The following PTPRQ variants were observed in gnomAD, a reference collection of about 807,000 sequenced individuals.
The protein encoded by PTPRQ is protein tyrosine phosphatase receptor type Q.
PTPRQ carries 199 observed loss-of-function variants against 246.0 expected under a neutral mutation model. The ratio of observed to expected loss-of-function variants is 0.81; its 90% CI spans 0.72 to 0.91. PTPRQ has a LOEUF of 0.91. PTPRQ is among the 40% of genes least tolerant of loss of function. The probability of loss-of-function intolerance (pLI) is 0.00; values close to 1 mark genes in which losing one functional copy is unlikely to be tolerated. For missense variants in PTPRQ, 2,624 were observed against 2,528.4 expected (o/e 1.04, Z -0.81); for synonymous variants, 869 against 853.2 (o/e 1.02, Z -0.32).
chr12:80,613,781 C>A lies in PTPRQ; in HGVS notation c.5108C>A (p.Thr1703Lys). 1 of 1,542,364 alleles carries A rather than the reference C, an allele frequency of 6.5e-7. No homozygotes were observed. Among genetic ancestry groups the A allele is most frequent in the Non-Finnish European group, 8.8e-7 (1 of 1,141,444 alleles). Residue 1703 changes from threonine (T) to lysine (K), a missense_variant, in exon 29 of 45, where the codon ACA becomes AAA. Coordinates refer to ENST00000644991, the MANE Select transcript of PTPRQ (RefSeq NM_001145026.2). ...HNLSIIQKTN[T>K]FVIAMLEGLK... ...CTCAGTATTATACAGAAAACCAACA[C>A]ATTCGTCATTGCAATGCTAGAAGGA... is the stretch of plus-strand genomic sequence containing the variant.
intron 17 of PTPRQ, among the ~76,000 whole-genome samples, chr12:80,521,937 C>T (rs1043760696): frequency 1.3e-5 from 2 of 151,976 alleles, no homozygotes; most frequent in Non-Finnish European, 2.9e-5. Flanking sequence ...GCATAGAATC[C>T]ATAAATTACC....
intron 35 of PTPRQ, among the ~76,000 whole-genome samples, chr12:80,640,956 AC>A (rs1263193348): frequency 6.6e-6 from 1 of 152,152 alleles, no homozygotes; most frequent in East Asian, 1.9e-4. Flanking sequence ...TATCAACATG[AC>A]GCAAGAGTTG....
chr12:80,533,735 C>T (rs908955966), intron 17 of PTPRQ, among the ~76,000 whole-genome samples: 1 of 151,760 alleles, frequency 6.6e-6, no homozygotes, highest in Non-Finnish European at 1.5e-5. Context: ...CATAGTATTC[C>T]TTAATATCCA....
At chr12:80,556,760 G>A (rs1373400031) in intron 25 of PTPRQ, among the ~76,000 whole-genome samples, 1 of 152,118 alleles carries the variant, frequency 6.6e-6, no homozygotes, top group African/African-American at 2.4e-5. Flanking sequence ...AAAATAGTGA[G>A]AATAGTAGTT....
intron 36 of PTPRQ, among the ~76,000 whole-genome samples, 173 bp from the exon 37 acceptor site, chr12:80,649,415 A>C (rs1900182515): frequency 6.6e-6 from 1 of 152,182 alleles, no homozygotes; most frequent in Non-Finnish European, 1.5e-5. Flanking sequence ...GTGAGCTTAA[A>C]GAAGAAAAGT....
At chr12:80,563,762 C>T (rs1227860556) in intron 25 of PTPRQ, among the ~76,000 whole-genome samples, 1 of 152,130 alleles carries the variant, frequency 6.6e-6, no homozygotes, top group Non-Finnish European at 1.5e-5. Context: ...CTGATGTCCA[C>T]ATGTTTTCCA....
chr12:80,604,740 T>C (rs1333956139), intron 26 of PTPRQ, among the ~76,000 whole-genome samples: 2 of 151,510 alleles, frequency 1.3e-5, no homozygotes, highest in South Asian at 2.1e-4. Context: ...TGTTTTAAAA[T>C]AAAAATATTT....
At chr12:80,588,530 T>C (rs1897692172) in intron 26 of PTPRQ, 78 bp downstream of exon 26, 13 of 1,274,336 alleles carry the variant, frequency 1.0e-5, no homozygotes, top group Non-Finnish European at 1.3e-5. Flanking sequence ...TTATACTTAA[T>C]CTAATTGTGT....
chr12:80,470,677 T>A (rs2120538550), intron 7 of PTPRQ, among the ~76,000 whole-genome samples: 1 of 152,228 alleles, frequency 6.6e-6, no homozygotes, highest in Non-Finnish European at 1.5e-5. Context: ...TGATTATAAT[T>A]GAAACTGACA....
At chr12:80,452,397 T>A (rs201473214) in intron 3 of PTPRQ, among the ~76,000 whole-genome samples, 5 of 152,296 alleles carry the variant, frequency 3.3e-5, no homozygotes, top group Non-Finnish European at 2.9e-5. Context: ...GTGAATTTGA[T>A]CCTGTCATTA....
At chr12:80,454,767 C>A (rs1892916426) in intron 3 of PTPRQ, among the ~76,000 whole-genome samples, 1 of 151,930 alleles carries the variant, frequency 6.6e-6, no homozygotes. Flanking sequence ...GAAAAAAAAA[C>A]TTTAAGTTTA....
chr12:80,641,898 GCT>G (rs556917750), intron 35 of PTPRQ, among the ~76,000 whole-genome samples: 2 of 129,202 alleles, frequency 1.5e-5, no homozygotes, highest in African/African-American at 2.9e-5. Context: ...TCTCTCTCTC[GCT>G]CTCTCTCTTT....
intron 35 of PTPRQ, among the ~76,000 whole-genome samples, chr12:80,646,314 GATAAT>G (rs1053442271): frequency 6.6e-6 from 1 of 152,102 alleles, no homozygotes; most frequent in Non-Finnish European, 1.5e-5. Flanking sequence ...TATTGCACAT[GATAAT>G]ATAACTAGTA....
rs1261373607 is a variant in PTPRQ at position 80,494,966 on chromosome 12, C to T, written c.1574C>T (p.Ala525Val). 1.3e-6 allele frequency: 2 copies of T among 1,549,724 alleles called. No individual in the cohort carries two copies. Among genetic ancestry groups the T allele is most frequent in the African/African-American group, 2.7e-5 (2 of 73,000 alleles). ...TTRNQYITDI[A>V]AEQLSYVIRR... ...AGGAATCAGTATATTACTGACATTG[C>T]AGCTGAACAGCTGTCTTATGTTATC... The change falls in exon 11 of 45, where the codon GCA becomes GTA. Residue 525 changes from alanine (A) to valine (V), a missense_variant. Physicochemically the swap from Ala to Val is moderately conservative, Grantham distance 64. Transcript: ENST00000644991.
intron 39 of PTPRQ, among the ~76,000 whole-genome samples, chr12:80,658,498 G>A (rs1900518034): frequency 1.3e-5 from 2 of 152,016 alleles, no homozygotes; most frequent in South Asian, 4.1e-4. Flanking sequence ...ACCATCATAG[G>A]TACATTGAAA....
intron 9 of PTPRQ, among the ~76,000 whole-genome samples, chr12:80,492,265 G>A (rs1894474229): frequency 6.6e-6 from 1 of 151,744 alleles, no homozygotes; most frequent in African/African-American, 2.4e-5. Flanking sequence ...TAAAAACCAT[G>A]GACATTTCCA....
intron 32 of PTPRQ, 129 bp from the exon 33 acceptor site, chr12:80,621,932 C>T: frequency 1.5e-6 from 1 of 645,490 alleles, no homozygotes; most frequent in Non-Finnish European, 2.3e-6. Flanking sequence ...GATTCCATTC[C>T]AAATTTTCAT....
rs567841476 is a variant in PTPRQ at position 80,482,336 on chromosome 12, A to T, written c.1187-2097A>T. Among the ~76,000 whole-genome samples, 113 of 152,082 alleles carry T rather than the reference A, an allele frequency of 7.4e-4. 1 individual carries two copies. Among genetic ancestry groups the T allele is most frequent in the Non-Finnish European group, 1.4e-3 (92 of 67,988 alleles). On this transcript the variant is annotated intron_variant, in intron 8 of 44. Coordinates refer to ENST00000644991, the MANE Select transcript of PTPRQ (RefSeq NM_001145026.2). ...TGGCTAGCCATATGTAGAAAGCTGA[A>T]ACTGGATCCCTTCCTTACACCTTAT...
At position 80,495,904 on chromosome 12, in the gene PTPRQ, C is replaced by T. The variant is rs182379249; in HGVS notation, c.1883-95C>T. On this transcript the variant is annotated intron_variant, in intron 12 of 44. Coordinates refer to ENST00000644991, the MANE Select transcript of PTPRQ (RefSeq NM_001145026.2). Reference sequence around the variant, plus strand: ...GAAGCGATATAGATATCTAGTCCCCCGTATAAATTCTTCTTACTGGCCTTA... The same window carrying T: ...GAAGCGATATAGATATCTAGTCCCCTGTATAAATTCTTCTTACTGGCCTTA... 62 of 1,363,836 alleles carry T rather than the reference C, an allele frequency of 4.5e-5. No individual in the cohort carries two copies. In the East Asian group the frequency reaches 1.2e-3, roughly 27 times the overall value. 84.5% of individuals were successfully genotyped at this position (1,363,836 alleles called of 1,614,324 possible).
Sources: gnomAD v4.1 joint callset for allele counts (sites outside exome capture counted in the v4.1 genomes callset) on GRCh38, gnomAD v4.1.1 for gene constraint, MANE v1.5 for transcripts, NCBI Gene and HGNC (gene_info 2026-07-23, HGNC 2026-07-21) for gene names.